The following YWHAE variants were observed in gnomAD, a reference collection of about 807,000 sequenced individuals.
YWHAE encodes the protein tyrosine 3-monooxygenase/tryptophan 5-monooxygenase activation protein epsilon, also known as 14-3-3 protein epsilon.
A neutral mutation model predicts 30.1 loss-of-function variants in YWHAE; 4 were observed. The ratio of observed to expected loss-of-function variants is 0.13; its 90% CI spans 0.07 to 0.30. The LOEUF is 0.30. YWHAE is among the 10% of genes least tolerant of loss of function. The pLI, the probability that YWHAE is intolerant of heterozygous loss-of-function variation, is 1.00. For synonymous variants in YWHAE, 118 were observed against 111.8 expected (o/e 1.06, Z -0.35); for missense variants, 121 against 315.9 (o/e 0.38, Z 4.68).
intron 5 of YWHAE, 93 bp from the exon 6 acceptor site, chr17:1,345,592 C>T: frequency 7.7e-7 from 1 of 1,305,830 alleles, no homozygotes. Context: ...CATAAAGACT[C>T]TTCTACTTGC....
intron 1 of YWHAE, among the ~76,000 whole-genome samples, chr17:1,381,950 AG>A (rs1370602510): frequency 4.6e-5 from 7 of 151,390 alleles, no homozygotes; most frequent in African/African-American, 1.7e-4. Context: ...CAGACAGAAA[AG>A]GAAAAAAAAA....
chr17:1,354,468 CAAAG>C, intron 4 of YWHAE, 121 bp from the exon 5 acceptor site: 1 of 1,014,808 alleles, frequency 9.9e-7, no homozygotes, highest in Non-Finnish European at 1.4e-6. Context: ...AATGATAATG[CAAAG>C]AAAAAGCAAA....
intron 1 of YWHAE, among the ~76,000 whole-genome samples, chr17:1,394,132 A>T (rs1567987532): frequency 6.6e-6 from 1 of 152,216 alleles, no homozygotes; most frequent in Non-Finnish European, 1.5e-5. Context: ...AGCAGACACT[A>T]AGTTCTGGCT....
At chr17:1,388,650 G>A (rs1477726094) in intron 1 of YWHAE, among the ~76,000 whole-genome samples, 1 of 148,040 alleles carries the variant, frequency 6.8e-6, no homozygotes, top group Non-Finnish European at 1.5e-5. Flanking sequence ...GGCCTCAAAT[G>A]ACCTCCCACC....
intron 5 of YWHAE, 133 bp downstream of exon 5, chr17:1,354,078 T>G (rs2072686413): frequency 5.9e-6 from 7 of 1,187,468 alleles, no homozygotes; most frequent in Non-Finnish European, 8.0e-6. Flanking sequence ...AGGCAGCAAT[T>G]ACAATTTCAT....
chr17:1,388,609 G>A (rs1456192965), intron 1 of YWHAE, among the ~76,000 whole-genome samples: 6 of 143,580 alleles, frequency 4.2e-5, no homozygotes, highest in Non-Finnish European at 9.0e-5. Context: ...ACGGAGTCTT[G>A]CAATGTTGCC....
intron 5 of YWHAE, chr17:1,348,078 A>G (rs2072556729): frequency 9.8e-6 from 8 of 817,074 alleles, no homozygotes; most frequent in Non-Finnish European, 1.2e-5. Context: ...ATAAACCAAC[A>G]GAGCAGGACA....
At chr17:1,399,234 G>A (rs1022219308) in intron 1 of YWHAE, 5 of 152,086 alleles carry the variant, frequency 3.3e-5, no homozygotes, top group East Asian at 1.9e-4. Context: ...CCAGAGAAAG[G>A]TTACAGGAAC....
chr17:1,383,805 A>T (rs1351817737), intron 1 of YWHAE, among the ~76,000 whole-genome samples: 1 of 152,174 alleles, frequency 6.6e-6, no homozygotes, highest in Non-Finnish European at 1.5e-5. Flanking sequence ...GTATTCCCGC[A>T]ATCTCCGCAC....
chr17:1,390,052 C>G (rs1456064688), intron 1 of YWHAE, among the ~76,000 whole-genome samples: 1 of 152,050 alleles, frequency 6.6e-6, no homozygotes, highest in African/African-American at 2.4e-5. Flanking sequence ...CCATGTTGGT[C>G]AGGCTGGTCT....
intron 1 of YWHAE, among the ~76,000 whole-genome samples, chr17:1,375,140 G>A (rs1383513173): frequency 5.3e-5 from 8 of 152,050 alleles, no homozygotes; most frequent in East Asian, 3.8e-4. Context: ...AACATTCTAC[G>A]ACCAGTGCTT....
intron 1 of YWHAE, among the ~76,000 whole-genome samples, chr17:1,367,525 TC>T (rs1166142732): frequency 3.9e-5 from 6 of 152,112 alleles, no homozygotes; most frequent in South Asian, 2.1e-4. Flanking sequence ...CCCCAGGAAT[TC>T]AGGCCTGCAG....
At chr17:1,346,716 G>GT (rs2072523746) in intron 5 of YWHAE, among the ~76,000 whole-genome samples, 1 of 152,212 alleles carries the variant, frequency 6.6e-6, no homozygotes, top group African/African-American at 2.4e-5. Flanking sequence ...GCCGGGCACG[G>GT]TGGCTCACGC....
At chr17:1,357,389 C>T (rs535401222) in intron 4 of YWHAE, among the ~76,000 whole-genome samples, 106 of 109,454 alleles carry the variant, frequency 9.7e-4, no homozygotes, top group African/African-American at 3.3e-3. Flanking sequence ...GGGGACATAG[C>T]GAGACTCCGT....
rs2072494040 is a variant in YWHAE at position 1,345,143 on chromosome 17, A to T, written c.*304T>A. 2 of 421,228 alleles carry T rather than the reference A, an allele frequency of 4.7e-6. No individual in the cohort carries two copies. Among genetic ancestry groups the T allele is most frequent in the Non-Finnish European group, 8.5e-6 (2 of 236,278 alleles). The allele number at this position is 421,228 out of a possible 1,614,324, so 26.1% of individuals were successfully genotyped here. A position where few individuals can be genotyped will look rare whatever the true frequency, so the allele number is the denominator to read the frequency against. ...ATGTAATTTCCATTTGCTAATGGTG[A>T]TCTTGCCACATCTGGCACGGAGACG... is the stretch of plus-strand genomic sequence containing the variant. On this transcript the variant is annotated 3_prime_UTR_variant, in exon 6 of 6. Transcript: ENST00000264335.
At chr17:1,355,115 TTAAAAAAAAAAAAA>T (rs1223790075) in intron 4 of YWHAE, among the ~76,000 whole-genome samples, 1,663 of 72,332 alleles carry the variant, frequency 0.023, 41 homozygotes, top group Non-Finnish European at 0.029. Context: ...CCAAGATTTT[TTAAAAAAAAAAAAA>T]AAAAAAAAAA....
At chr17:1,349,226 A>G (rs951409000) in intron 5 of YWHAE, among the ~76,000 whole-genome samples, 1 of 151,800 alleles carries the variant, frequency 6.6e-6, no homozygotes, top group Non-Finnish European at 1.5e-5. Flanking sequence ...CTGTAGTCCC[A>G]GCAACTCAGA....
intron 4 of YWHAE, among the ~76,000 whole-genome samples, chr17:1,355,817 T>C (rs1212136277): frequency 2.6e-5 from 4 of 151,996 alleles, no homozygotes; most frequent in Admixed American, 6.6e-5. Flanking sequence ...TGCGCGCAGA[T>C]CACTTGAGGC....
intron 1 of YWHAE, among the ~76,000 whole-genome samples, chr17:1,370,252 G>C (rs947833723): frequency 7.2e-6 from 1 of 138,332 alleles, no homozygotes; most frequent in Non-Finnish European, 1.5e-5. Flanking sequence ...TCAGCCTCCC[G>C]AGTAGCTGGG....
Sources: allele counts gnomAD v4.1 joint callset (sites outside exome capture counted in the v4.1 genomes callset), GRCh38; gene constraint gnomAD v4.1.1; transcripts MANE v1.5; gene names NCBI Gene and HGNC (gene_info 2026-07-23, HGNC 2026-07-21).